Variants in SUPT3H observed in about 807,000 individuals in gnomAD.
The protein encoded by SUPT3H is transcription initiation protein SPT3 homolog.
Under a neutral mutation model 44.3 loss-of-function variants are expected in SUPT3H, and 44 were observed. That is an observed-to-expected ratio of 0.99 (90% CI 0.78 to 1.28). SUPT3H has a LOEUF of 1.28. Ranked by LOEUF, SUPT3H falls within the 50% of genes most tolerant of loss-of-function variation. The probability of loss-of-function intolerance (pLI) is 0.00; values close to 1 mark genes in which losing one functional copy is unlikely to be tolerated. For missense variants in SUPT3H, 380 were observed against 387.1 expected, an observed-to-expected ratio of 0.98 and a Z score of 0.15; for synonymous variants, 124 against 125.6, an observed-to-expected ratio of 0.99 and a Z score of 0.09.
chr6:45,181,051 T>C (rs915934209), intron 2 of SUPT3H, among the ~76,000 whole-genome samples: 12 of 151,498 alleles, frequency 7.9e-5, no homozygotes, highest in East Asian at 5.8e-4. Flanking sequence ...AAAAAGTGGG[T>C]GAAGGATATG....
chr6:45,309,672 A>C (rs1372715438), intron 2 of SUPT3H, among the ~76,000 whole-genome samples: 4 of 152,202 alleles, frequency 2.6e-5, no homozygotes, highest in African/African-American at 9.7e-5. Flanking sequence ...AGTTAATCCA[A>C]ACAAGAATAG....
chr6:45,111,325 C>A (rs949410494), intron 2 of SUPT3H, among the ~76,000 whole-genome samples: 1 of 151,990 alleles, frequency 6.6e-6, no homozygotes, highest in Non-Finnish European at 1.5e-5. Context: ...TCCACTGCCC[C>A]CAGCCAAAAT....
chr6:45,246,169 A>G (rs1323851811), intron 2 of SUPT3H, among the ~76,000 whole-genome samples: 1 of 152,074 alleles, frequency 6.6e-6, no homozygotes, highest in Non-Finnish European at 1.5e-5. Flanking sequence ...TATTCTGGAT[A>G]TTAACCCCTT....
intron 2 of SUPT3H, among the ~76,000 whole-genome samples, chr6:45,312,858 A>G (rs1784174517): frequency 6.6e-6 from 1 of 152,180 alleles, no homozygotes; most frequent in Admixed American, 6.5e-5. Context: ...CAGCCAAGGA[A>G]CTTTCGCCAA....
chr6:44,819,086 C>T (rs1282317071), intron 11 of SUPT3H, among the ~76,000 whole-genome samples: 3 of 151,954 alleles, frequency 2.0e-5, no homozygotes, highest in East Asian at 3.9e-4. Flanking sequence ...CACTCAATAG[C>T]GAATGGATGA....
intron 2 of SUPT3H, among the ~76,000 whole-genome samples, chr6:45,236,062 T>C (rs1769051154): frequency 6.6e-6 from 1 of 152,210 alleles, no homozygotes; most frequent in Admixed American, 6.5e-5. Context: ...ATAGAAACAA[T>C]GTTTATCACT....
At chr6:45,091,432 C>A (rs551688234) in intron 3 of SUPT3H, among the ~76,000 whole-genome samples, 1 of 151,924 alleles carries the variant, frequency 6.6e-6, no homozygotes, top group East Asian at 1.9e-4. Flanking sequence ...TTAGAAGGGA[C>A]CTTACAGACA....
chr6:44,904,303 T>G (rs987750782), intron 10 of SUPT3H, among the ~76,000 whole-genome samples: 3 of 152,208 alleles, frequency 2.0e-5, no homozygotes, highest in African/African-American at 7.2e-5. Context: ...CTTAAGCTGA[T>G]AAGCAACTTC....
rs59842389 is a variant in SUPT3H at position 45,288,565 on chromosome 6, GTATATATA to G, written c.101+76628_101+76635del. On this transcript the variant is annotated intron_variant, in intron 2 of 10. Transcript: ENST00000371459. ...TGTGTGTGTATATATATATATATAT[GTATATATA>G]TATATATATGTATATATATATATGT... Among the ~76,000 whole-genome samples, 164 of 95,460 alleles carry G rather than the reference GTATATATA, an allele frequency of 1.7e-3. 2 individuals are homozygous for G. The highest frequency in any genetic ancestry group is 4.5e-3 in the African/African-American group (127 of 28,372). 62.6% of individuals were successfully genotyped at this position (95,460 alleles called of 152,430 possible). A position where few individuals can be genotyped will look rare whatever the true frequency, so the allele number is the denominator to read the frequency against.
intron 2 of SUPT3H, among the ~76,000 whole-genome samples, chr6:45,165,409 T>C (rs928046910): frequency 2.6e-5 from 4 of 152,194 alleles, no homozygotes; most frequent in African/African-American, 9.6e-5. Context: ...TAAACACTCT[T>C]TAGCACAATC....
At chr6:45,210,513 C>T (rs1489497574) in intron 2 of SUPT3H, among the ~76,000 whole-genome samples, 2 of 152,202 alleles carry the variant, frequency 1.3e-5, no homozygotes, top group Non-Finnish European at 2.9e-5. Flanking sequence ...GAAGCCCCCT[C>T]TCCCACTTCA....
chr6:45,136,530 A>G (rs1334142794), intron 2 of SUPT3H, among the ~76,000 whole-genome samples: 2 of 152,084 alleles, frequency 1.3e-5, no homozygotes, highest in Non-Finnish European at 2.9e-5. Context: ...GAGCTAAAGA[A>G]ATTCAAGTTT....
intron 7 of SUPT3H, among the ~76,000 whole-genome samples, chr6:44,957,465 G>A (rs1462245322): frequency 2.0e-5 from 3 of 152,032 alleles, no homozygotes; most frequent in Admixed American, 1.3e-4. Flanking sequence ...TACTTCTAAA[G>A]TTAAAGTTAA....
intron 10 of SUPT3H, among the ~76,000 whole-genome samples, chr6:44,910,335 C>T (rs1040165406): frequency 2.0e-5 from 3 of 152,310 alleles, no homozygotes; most frequent in South Asian, 2.1e-4. Flanking sequence ...TTCTCTACTG[C>T]GTATCTTGCT....
rs1491302388 is a variant in SUPT3H, at chr6:45,158,299, T to TATATATATATATATATATATATAA, written c.102-52294_102-52293insTTATATATATATATATATATATAT. 5.2e-4 allele frequency among the ~76,000 whole-genome samples: 7 copies of TATATATATATATATATATATATAA among 13,406 alleles called. No individual in the cohort carries two copies. The South Asian group carries it at 6.9e-3, about 13-fold the overall frequency. The allele number at this position is 13,406 out of a possible 152,430, so 8.8% of individuals were successfully genotyped here. A position where few individuals can be genotyped will look rare whatever the true frequency, so the allele number is the denominator to read the frequency against. On this transcript the variant is annotated intron_variant, in intron 2 of 10. Transcript: ENST00000371459. Reference sequence around the variant, plus strand: ...ACATATATATATATATATATATATATTTTTTTTTTTTTTTTTTTGAGATGG... The same window carrying TATATATATATATATATATATATAA: ...ACATATATATATATATATATATATATATATATATATATATATATATATAATTTTTTTTTTTTTTTTTTGAGATGG...
intron 2 of SUPT3H, among the ~76,000 whole-genome samples, chr6:45,156,848 T>C (rs10948205): frequency 0.22 from 33,350 of 151,810 alleles, 4,443 homozygotes; most frequent in Non-Finnish European, 0.31. Flanking sequence ...TGTTGACACA[T>C]AGACATTTAA....
chr6:45,111,479 T>C (rs1280798167), intron 2 of SUPT3H, among the ~76,000 whole-genome samples: 3 of 151,984 alleles, frequency 2.0e-5, no homozygotes, highest in South Asian at 2.1e-4. Context: ...CCCTACCAAG[T>C]AAATCAGTCT....
chr6:44,879,537 A>C lies in SUPT3H; in HGVS notation c.913-49680T>G, dbSNP rs1306742757. On this transcript the variant is annotated intron_variant, in intron 10 of 10. Coordinates refer to ENST00000371459, the MANE Select transcript of SUPT3H (RefSeq NM_003599.4). ...AAATATTCCTGCCTGCTGGTTCTGA[A>C]GAGAGCAGTGGATCTCCCAGCACAG... Among the ~76,000 whole-genome samples the C allele has an allele frequency of 3.3e-5, 5 of 152,188 alleles. No homozygotes were observed. In the South Asian group the frequency reaches 1.0e-3, roughly 32 times the overall value.
intron 2 of SUPT3H, among the ~76,000 whole-genome samples, chr6:45,319,736 T>G (rs898148043): frequency 6.6e-6 from 1 of 152,134 alleles, no homozygotes; most frequent in Admixed American, 6.6e-5. Flanking sequence ...CATAGTAATA[T>G]CAAATATAAC....
Sources: allele counts gnomAD v4.1 joint callset (sites outside exome capture counted in the v4.1 genomes callset), GRCh38; gene constraint gnomAD v4.1.1; transcripts MANE v1.5; gene names NCBI Gene and HGNC (gene_info 2026-07-23, HGNC 2026-07-21).